The following NPY1R variants were observed in gnomAD, a reference collection of about 807,000 sequenced individuals.
NPY1R encodes the protein neuropeptide Y receptor Y1, also known as neuropeptide Y receptor type 1.
In NPY1R, 10 loss-of-function variants were observed where a neutral mutation model predicts 24.1. The observed-to-expected ratio is 0.42, with a 90% CI of 0.26 to 0.71. The LOEUF (loss-of-function observed/expected upper bound fraction) is 0.71. Ranked by LOEUF, NPY1R falls within the 30% of genes least tolerant of loss-of-function variation. The probability of loss-of-function intolerance (pLI) is 0.28; values close to 1 mark genes in which losing one functional copy is unlikely to be tolerated. For missense variants in NPY1R, 350 were observed against 458.0 expected (o/e 0.76, Z 2.15); for synonymous variants, 168 against 165.9 (o/e 1.01, Z -0.10).
At position 163,326,702 on chromosome 4, in the gene NPY1R, C is replaced by A. The variant is rs915988279; in HGVS notation, c.-148G>T. On this transcript the variant is annotated 5_prime_UTR_variant, in exon 2 of 3. Transcript: ENST00000296533. ...GAATTCTTCATTCCCTTGAACTGAACAATCTGTAAAGAGAAAATGACCAAT... is the reference window on the plus strand; with the variant it reads ...GAATTCTTCATTCCCTTGAACTGAAAAATCTGTAAAGAGAAAATGACCAAT... 5.3e-6 allele frequency: 3 copies of A among 565,800 alleles called. No homozygotes were observed. The highest frequency in any genetic ancestry group is 9.2e-6 in the Non-Finnish European group (3 of 325,632). The allele number at this position is 565,800 out of a possible 1,614,324, so 35.0% of individuals were successfully genotyped here. A position where few individuals can be genotyped will look rare whatever the true frequency, so the allele number is the denominator to read the frequency against.
chr4:163,328,960 T>C (rs1734668515), intron 1 of NPY1R, among the ~76,000 whole-genome samples: 1 of 152,232 alleles, frequency 6.6e-6, no homozygotes, highest in African/African-American at 2.4e-5. Context: ...AACTGATGCA[T>C]GGTTGGAATA....
At chr4:163,336,270 C>T (rs1404681970), upstream of NPY1R, among the ~76,000 whole-genome samples, 2 of 152,032 alleles carry the variant, frequency 1.3e-5, no homozygotes, top group Non-Finnish European at 2.9e-5. Context: ...TTTCTGCATG[C>T]CTTATACTTT....
intron 1 of NPY1R, among the ~76,000 whole-genome samples, chr4:163,343,579 C>T (rs1357830512): frequency 6.6e-6 from 1 of 152,056 alleles, no homozygotes; most frequent in Admixed American, 6.5e-5. Flanking sequence ...GCACAGCCAT[C>T]CTCACACCAG....
upstream of NPY1R, among the ~76,000 whole-genome samples, chr4:163,334,861 GAAAA>G (rs545497813): frequency 1.5e-5 from 1 of 66,918 alleles, no homozygotes; most frequent in Non-Finnish European, 3.0e-5. Flanking sequence ...CTCTGTTTTG[GAAAA>G]AAAAAAAAAA....
Position 163,326,638 on chromosome 4 carries a change from T to G in NPY1R, c.-84A>C. 1.2e-6 allele frequency: 1 copy of G among 802,584 alleles called. No homozygotes were observed. The highest frequency in any genetic ancestry group is 2.0e-6 in the Non-Finnish European group (1 of 500,916). 49.7% of individuals were successfully genotyped at this position (802,584 alleles called of 1,614,324 possible). A position where few individuals can be genotyped will look rare whatever the true frequency, so the allele number is the denominator to read the frequency against. ...AGCAGGTCAACTGTTCAGCTTATTC[T>G]TATTCCCCATATTGGAATCCATTTA... On this transcript the variant is annotated 5_prime_UTR_variant, in exon 2 of 3. Coordinates refer to ENST00000296533, the MANE Select transcript of NPY1R (RefSeq NM_000909.6).
chr4:163,334,637 G>A (rs1325956499), upstream of NPY1R, among the ~76,000 whole-genome samples: 1 of 152,052 alleles, frequency 6.6e-6, no homozygotes, highest in Non-Finnish European at 1.5e-5. Flanking sequence ...CTAGGCAGGT[G>A]GATCATGAGG....
intron 1 of NPY1R, among the ~76,000 whole-genome samples, chr4:163,342,441 C>T (rs1311020872): frequency 1.3e-5 from 2 of 152,128 alleles, no homozygotes. Context: ...AAAAACAAGC[C>T]TTATTTTCTC....
chr4:163,344,118 C>T (rs1735102023), intron 1 of NPY1R: 1 of 152,350 alleles, frequency 6.6e-6, no homozygotes. Context: ...GAGCCCGCAC[C>T]CGTCTCTGGT....
At chr4:163,339,865 T>C (rs1734935542) in intron 1 of NPY1R, among the ~76,000 whole-genome samples, 1 of 152,136 alleles carries the variant, frequency 6.6e-6, no homozygotes, top group Admixed American at 6.5e-5. Context: ...TAATGTCTAC[T>C]TGAGGAACGG....
chr4:163,333,450 A>G (rs533008563), upstream of NPY1R, among the ~76,000 whole-genome samples: 98 of 152,272 alleles, frequency 6.4e-4, no homozygotes, highest in African/African-American at 2.3e-3. Flanking sequence ...TTCAAAAGTC[A>G]AAGTTGTAAA....
chr4:163,336,389 T>A (rs537282766), upstream of NPY1R, among the ~76,000 whole-genome samples: 1 of 152,332 alleles, frequency 6.6e-6, no homozygotes, highest in South Asian at 2.1e-4. Flanking sequence ...CTGTTACTAT[T>A]ACTGTTTTTA....
chr4:163,343,353 G>A (rs929584846), intron 1 of NPY1R, among the ~76,000 whole-genome samples: 1 of 151,878 alleles, frequency 6.6e-6, no homozygotes, highest in Non-Finnish European at 1.5e-5. Flanking sequence ...ATTCTGCTGG[G>A]CTCATTACCG....
chr4:163,324,662 A>T lies in NPY1R; in HGVS notation c.*641T>A, dbSNP rs950603982. 1.3e-5 allele frequency: 2 copies of T among 151,986 alleles called. No individual in the cohort carries two copies. Among genetic ancestry groups the T allele is most frequent in the African/African-American group, 2.4e-5 (1 of 41,410 alleles). The allele number at this position is 151,986 out of a possible 1,614,324, so 9.4% of individuals were successfully genotyped here. ...TTCTCCATAATATTTGCAGCTGAGA[A>T]GTATGTCTTTTTATTCATTTTTAAA... On this transcript the variant is annotated 3_prime_UTR_variant, in exon 3 of 3. Transcript: ENST00000296533.
At chr4:163,330,629 CA>C (rs1285208842) in intron 1 of NPY1R, 3 of 152,164 alleles carry the variant, frequency 2.0e-5, no homozygotes, top group Non-Finnish European at 4.4e-5. Context: ...GCAGAAACTG[CA>C]AAAATTAAAG....
At chr4:163,340,845 C>A (rs1298212471) in intron 1 of NPY1R, among the ~76,000 whole-genome samples, 4 of 151,988 alleles carry the variant, frequency 2.6e-5, no homozygotes, top group Non-Finnish European at 5.9e-5. Context: ...GTATTTTTAA[C>A]ATGAGTATTT....
chr4:163,339,411 A>G (rs1159305859), intron 1 of NPY1R, among the ~76,000 whole-genome samples: 4 of 152,208 alleles, frequency 2.6e-5, no homozygotes, highest in Admixed American at 6.5e-5. Flanking sequence ...GTTTATTTCA[A>G]TTGCAGAACT....
intron 1 of NPY1R, among the ~76,000 whole-genome samples, chr4:163,330,530 AAG>A: frequency 6.6e-6 from 1 of 152,360 alleles, no homozygotes; most frequent in East Asian, 1.9e-4. Context: ...TAACAATACT[AAG>A]AGAGAATTTA....
Position 163,325,524 on chromosome 4 carries a change from A to G in NPY1R, c.934T>C (p.Ser312Pro), listed in dbSNP as rs762997984. 1.9e-5 allele frequency: 30 copies of G among 1,613,996 alleles called. No homozygotes were observed. Among genetic ancestry groups the G allele is most frequent in the Non-Finnish European group, 8.5e-6 (10 of 1,179,974 alleles). Reference sequence around the variant, plus strand: ...TAAAATATGGGGTTGACACAAGTGGATATCATTGCTGTGAGGTGGCAGAGC... The same window carrying G: ...TAAAATATGGGGTTGACACAAGTGGGTATCATTGCTGTGAGGTGGCAGAGC... ...FLLCHLTAMI[S>P]TCVNPIFYGF... Residue 312 changes from serine (S) to proline (P), a missense_variant, in exon 3 of 3, where the codon TCC becomes CCC. Coordinates refer to ENST00000296533, the MANE Select transcript of NPY1R (RefSeq NM_000909.6).
At position 163,325,333 on chromosome 4, in the gene NPY1R, G is replaced by C; in HGVS notation, c.1125C>G (p.Ile375Met). ...KQASPVAFKK[I>M]NNNDDNEKI is the part of the protein sequence containing the mutation. ...TTTTTTCATTATCATCATTGTTGTT[G>C]ATTTTTTTAAATGCGACTGGGCTTG... Residue 375 changes from isoleucine (I) to methionine (M), a missense_variant, in exon 3 of 3, where the codon ATC becomes ATG. Transcript: ENST00000296533. 6.2e-7 allele frequency: 1 copy of C among 1,611,132 alleles called. No individual in the cohort carries two copies. Among genetic ancestry groups the C allele is most frequent in the Non-Finnish European group, 8.5e-7 (1 of 1,179,082 alleles).
Sources: gnomAD v4.1 joint callset for allele counts (sites outside exome capture counted in the v4.1 genomes callset) on GRCh38, gnomAD v4.1.1 for gene constraint, MANE v1.5 for transcripts, NCBI Gene and HGNC (gene_info 2026-07-23, HGNC 2026-07-21) for gene names.